The following CPNE8 variants were observed in gnomAD, a reference collection of about 807,000 sequenced individuals.
CPNE8 encodes copine 8, also known as copine-8.
A neutral mutation model predicts 81.5 loss-of-function variants in CPNE8; 45 were observed. The ratio of observed to expected loss-of-function variants is 0.55; its 90% CI spans 0.44 to 0.71. The LOEUF (loss-of-function observed/expected upper bound fraction) is 0.71. Among genes scored for constraint, CPNE8 ranks in the 30% least tolerant of loss-of-function variants. The pLI is 0.00. For synonymous variants in CPNE8, 252 were observed against 226.3 expected (o/e 1.11, Z -1.02); for missense variants, 594 against 672.1 (o/e 0.88, Z 1.28).
chr12:38,730,299 T>A lies in CPNE8; in HGVS notation c.782A>T (p.Gln261Leu). 6.3e-7 allele frequency: 1 copy of A among 1,588,954 alleles called. No individual in the cohort carries two copies. The change falls in exon 11 of 20, where the codon CAA (glutamine) becomes CTA (leucine). Residue 261 changes from glutamine (Q) to leucine (L), a missense_variant. By Grantham distance (113) the Gln-to-Leu change is moderately radical. Transcript: ENST00000331366. ...GCCTCTTACCTCATATACGTTGAAT[T>A]GTGACTGCCCTCTAGAAAGTTCCCT... ...SYRELSRGQS[Q>L]FNVYEVVNPK...
At chr12:38,861,947 G>T (rs1943842272) in intron 3 of CPNE8, among the ~76,000 whole-genome samples, 1 of 151,960 alleles carries the variant, frequency 6.6e-6, no homozygotes, top group African/African-American at 2.4e-5. Context: ...TGCTAATGTT[G>T]GTATAGTATA....
chr12:38,785,525 G>A (rs1942164205), intron 6 of CPNE8, among the ~76,000 whole-genome samples: 1 of 152,092 alleles, frequency 6.6e-6, no homozygotes. Context: ...AGTCTTAGAA[G>A]ATCTGATGAT....
chr12:38,875,948 G>A (rs903444930), intron 1 of CPNE8, among the ~76,000 whole-genome samples: 5 of 152,092 alleles, frequency 3.3e-5, no homozygotes, highest in African/African-American at 1.2e-4. Context: ...TCACTTAAGT[G>A]GGAATTCTCC....
At chr12:38,780,867 T>C (rs1335041033) in intron 6 of CPNE8, among the ~76,000 whole-genome samples, 1 of 151,788 alleles carries the variant, frequency 6.6e-6, no homozygotes, top group African/African-American at 2.4e-5. Context: ...GGTTTCAAAC[T>C]GAAGGAAATG....
chr12:38,674,879 G>C (rs1252867934), intron 18 of CPNE8, among the ~76,000 whole-genome samples: 3 of 152,180 alleles, frequency 2.0e-5, no homozygotes, highest in African/African-American at 7.2e-5. Context: ...TACAAAGATT[G>C]TGTCAAACAT....
chr12:38,795,370 C>A (rs1342178620), intron 6 of CPNE8, among the ~76,000 whole-genome samples: 3 of 152,138 alleles, frequency 2.0e-5, no homozygotes, highest in South Asian at 4.1e-4. Context: ...ATCCCACTTC[C>A]ATGTGTATAT....
At chr12:38,861,235 G>GA (rs1473486457) in intron 3 of CPNE8, among the ~76,000 whole-genome samples, 1 of 152,102 alleles carries the variant, frequency 6.6e-6, no homozygotes, top group Non-Finnish European at 1.5e-5. Context: ...CTGGGCGGGG[G>GA]AGAGAAAAAC....
At chr12:38,778,045 G>A (rs1279203466) in intron 6 of CPNE8, among the ~76,000 whole-genome samples, 2 of 152,080 alleles carry the variant, frequency 1.3e-5, no homozygotes, top group African/African-American at 2.4e-5. Context: ...CCATCTACTT[G>A]CAGGAAAACA....
intron 4 of CPNE8, among the ~76,000 whole-genome samples, chr12:38,841,193 T>G (rs956516278): frequency 1.3e-5 from 2 of 152,162 alleles, no homozygotes; most frequent in African/African-American, 4.8e-5. Flanking sequence ...CCAGGGATAC[T>G]AAGGCTTTGA....
At position 38,867,044 on chromosome 12, in the gene CPNE8, A is replaced by C. The variant is rs570066598; in HGVS notation, c.186+5960T>G. 3.3e-5 allele frequency among the ~76,000 whole-genome samples: 5 copies of C among 152,118 alleles called. No homozygotes were observed. The East Asian group carries it at 7.7e-4, about 24-fold the overall frequency. On this transcript the variant is annotated intron_variant, in intron 3 of 19. Transcript: ENST00000331366. ...CTGCTAATTTTTGTATTTTTAGTAG[A>C]GATAGGGTTTCACCATGTTGGCCAG...
chr12:38,824,861 A>G (rs1338116779), intron 6 of CPNE8, among the ~76,000 whole-genome samples: 1 of 152,130 alleles, frequency 6.6e-6, no homozygotes, highest in African/African-American at 2.4e-5. Flanking sequence ...TCTCACAAAC[A>G]TGATTGCAAA....
intron 16 of CPNE8, 66 bp downstream of exon 16, chr12:38,685,424 A>T (rs1386268110): frequency 6.5e-7 from 1 of 1,528,210 alleles, no homozygotes; most frequent in African/African-American, 1.4e-5. Context: ...TCATGCTAGC[A>T]ACAATGTTAT....
chr12:38,710,411 G>A (rs1940226225), intron 13 of CPNE8, among the ~76,000 whole-genome samples: 1 of 152,050 alleles, frequency 6.6e-6, no homozygotes, highest in South Asian at 2.1e-4. Flanking sequence ...ATAGACTGGA[G>A]TTTGAAGCCC....
At chr12:38,814,540 C>G (rs957196352) in intron 6 of CPNE8, among the ~76,000 whole-genome samples, 1 of 151,912 alleles carries the variant, frequency 6.6e-6, no homozygotes, top group Non-Finnish European at 1.5e-5. Context: ...TCAGGCTGGT[C>G]TTGAACTTGT....
Position 38,670,796 on chromosome 12 carries a change from A to G in CPNE8, c.1439T>C (p.Val480Ala). Residue 480 changes from valine (V) to alanine (A), a missense_variant, in exon 19 of 20, where the codon GTC becomes GCC. Transcript: ENST00000331366. ...TCTTACATCATCTCCATCCAATTCG[A>G]CCATTGCTTTAAGAGAAAATATGAT... ...GVGPAEFDAM[V>A]ELDGDDVRVS... The G allele has an allele frequency of 6.2e-7, 1 of 1,606,158 alleles. No homozygotes were observed. Among genetic ancestry groups the G allele is most frequent in the Non-Finnish European group, 8.5e-7 (1 of 1,174,896 alleles).
intron 6 of CPNE8, among the ~76,000 whole-genome samples, chr12:38,810,203 A>G (rs1340365106): frequency 6.6e-6 from 1 of 152,128 alleles, no homozygotes; most frequent in African/African-American, 2.4e-5. Flanking sequence ...CAAGATCTTT[A>G]TGGGTCTCCT....
intron 14 of CPNE8, among the ~76,000 whole-genome samples, chr12:38,701,119 T>C (rs186163526): frequency 9.8e-4 from 150 of 152,316 alleles, no homozygotes; most frequent in Middle Eastern, 3.4e-3. Flanking sequence ...GGTATCAAGA[T>C]AATATTAACC....
At chr12:38,673,461 T>C (rs2136645988) in intron 18 of CPNE8, among the ~76,000 whole-genome samples, 1 of 152,272 alleles carries the variant, frequency 6.6e-6, no homozygotes, top group East Asian at 1.9e-4. Flanking sequence ...GATTTTTCTA[T>C]ATTAAACATG....
chr12:38,834,120 G>A (rs764217507), intron 5 of CPNE8, among the ~76,000 whole-genome samples: 3 of 152,080 alleles, frequency 2.0e-5, no homozygotes, highest in Non-Finnish European at 2.9e-5. Context: ...ACTGGAAAGC[G>A]ACATGTCCTA....
Sources: allele counts gnomAD v4.1 joint callset (sites outside exome capture counted in the v4.1 genomes callset), GRCh38; gene constraint gnomAD v4.1.1; transcripts MANE v1.5; gene names NCBI Gene and HGNC (gene_info 2026-07-23, HGNC 2026-07-21).